UFL1: variants seen among roughly 807,000 people sequenced by gnomAD.
The protein encoded by UFL1 is UFM1 specific ligase 1.
A neutral mutation model predicts 99.3 loss-of-function variants in UFL1; 78 were observed. The observed-to-expected ratio is 0.79, with a 90% CI of 0.65 to 0.95. The LOEUF (loss-of-function observed/expected upper bound fraction) is 0.95. UFL1 is among the 40% of genes least tolerant of loss of function. The pLI, the probability that UFL1 is intolerant of heterozygous loss-of-function variation, is 0.00. For missense variants in UFL1, 936 were observed against 937.0 expected, an observed-to-expected ratio of 1.00 and a Z score of 0.01; for synonymous variants, 335 against 322.2, an observed-to-expected ratio of 1.04 and a Z score of -0.42.
chr6:96,542,065 GAAGT>G (rs2127952007), intron 11 of UFL1, among the ~76,000 whole-genome samples: 1 of 151,254 alleles, frequency 6.6e-6, no homozygotes, highest in South Asian at 2.1e-4. Flanking sequence ...TACTTATTTT[GAAGT>G]AATATAATAT....
chr6:96,540,332 A>G (rs992083807), intron 10 of UFL1, among the ~76,000 whole-genome samples: 2 of 151,456 alleles, frequency 1.3e-5, no homozygotes, highest in Non-Finnish European at 3.0e-5. Flanking sequence ...AATAATGGGT[A>G]CAAAAAAGGT....
intron 9 of UFL1, among the ~76,000 whole-genome samples, chr6:96,537,934 C>T (rs376391109): frequency 6.6e-6 from 1 of 151,830 alleles, no homozygotes; most frequent in East Asian, 1.9e-4. Context: ...TGCCTTGGCA[C>T]GGATAGTGTT....
chr6:96,530,278 G>T (rs1166877873), intron 6 of UFL1, among the ~76,000 whole-genome samples: 1 of 151,998 alleles, frequency 6.6e-6, no homozygotes, highest in African/African-American at 2.4e-5. Context: ...GTTTTTTCAT[G>T]TTATACCTAT....
At chr6:96,549,949 T>C in intron 15 of UFL1, 150 bp downstream of exon 15, 1 of 962,586 alleles carries the variant, frequency 1.0e-6, no homozygotes, top group South Asian at 1.9e-5. Flanking sequence ...TCAACTTTAG[T>C]ACTATATATA....
chr6:96,522,444 T>C (rs1769630541), intron 1 of UFL1, among the ~76,000 whole-genome samples: 1 of 152,166 alleles, frequency 6.6e-6, no homozygotes, highest in Non-Finnish European at 1.5e-5. Flanking sequence ...CCTGACCCCA[T>C]CTGTTATTCA....
chr6:96,547,225 G>A (rs1386519982), intron 12 of UFL1, among the ~76,000 whole-genome samples: 1 of 151,622 alleles, frequency 6.6e-6, no homozygotes, highest in African/African-American at 2.4e-5. Flanking sequence ...ATGAATAAAT[G>A]TTCAACATCA....
chr6:96,525,227 T>C (rs753430158), intron 3 of UFL1, 70 bp from the exon 4 acceptor site: 11 of 1,228,242 alleles, frequency 9.0e-6, no homozygotes, highest in Non-Finnish European at 1.3e-5. Flanking sequence ...AATATAGTTC[T>C]AAGTATATAA....
chr6:96,542,983 G>A lies in UFL1; in HGVS notation c.1369G>A (p.Asp457Asn). The A allele has an allele frequency of 3.8e-6, 6 of 1,598,192 alleles. No individual in the cohort carries two copies. The highest frequency in any genetic ancestry group is 5.1e-6 in the Non-Finnish European group (6 of 1,171,716). ...CAAGAAGAAAGGAAGAAAAGATGAT[G>A]ATAGTGATGATGAATCTCAATCATC... is the stretch of plus-strand genomic sequence containing the variant. ...KVKKKGRKDDDSDDESQSSHT... is the reference protein window; with the variant it reads ...KVKKKGRKDDNSDDESQSSHT... Residue 457 changes from aspartate (D) to asparagine (N), a missense_variant, in exon 12 of 19, where the codon GAT becomes AAT. Coordinates refer to ENST00000369278, the MANE Select transcript of UFL1 (RefSeq NM_015323.5).
At chr6:96,546,120 A>G (rs974212090) in intron 12 of UFL1, among the ~76,000 whole-genome samples, 2 of 151,196 alleles carry the variant, frequency 1.3e-5, no homozygotes, top group Admixed American at 1.3e-4. Context: ...CTAGAAAGCC[A>G]TAAAGACTCC....
chr6:96,540,400 G>C (rs1769914112), intron 10 of UFL1, 135 bp from the exon 11 acceptor site: 1 of 1,144,676 alleles, frequency 8.7e-7, no homozygotes, highest in South Asian at 1.8e-5. Context: ...GCCTTAGAGT[G>C]ACAGCTCTGA....
chr6:96,555,276 AT>A (rs1490712420), downstream of UFL1: 2 of 152,244 alleles, frequency 1.3e-5, no homozygotes, highest in Admixed American at 6.5e-5. Flanking sequence ...ATTCTACTAA[AT>A]TTTATAGTAC....
chr6:96,541,919 ATTTT>A lies in UFL1; in HGVS notation c.1280-971_1280-968del, dbSNP rs1265803057. Among the ~76,000 whole-genome samples, 4 of 151,160 alleles carry A rather than the reference ATTTT, an allele frequency of 2.6e-5. No individual in the cohort carries two copies. The Admixed American group carries it at 2.6e-4, about 10-fold the overall frequency. ...TTAGACTTATATTTTTGAAAATAGAATTTTTTTATTATAAAAGAAAGGGAAAAAT... is the reference window on the plus strand; with the variant it reads ...TTAGACTTATATTTTTGAAAATAGAATTTATTATAAAAGAAAGGGAAAAAT... On this transcript the variant is annotated intron_variant, in intron 11 of 18. Coordinates refer to ENST00000369278, the MANE Select transcript of UFL1 (RefSeq NM_015323.5).
At chr6:96,526,541 G>C (rs1769706368) in intron 5 of UFL1, 106 bp downstream of exon 5, 1 of 873,298 alleles carries the variant, frequency 1.1e-6, no homozygotes, top group African/African-American at 1.7e-5. Flanking sequence ...ACCATCATTT[G>C]ATTTATTGCA....
At chr6:96,533,284 A>G (rs959953252) in intron 6 of UFL1, among the ~76,000 whole-genome samples, 11 of 152,102 alleles carry the variant, frequency 7.2e-5, no homozygotes, top group African/African-American at 2.2e-4. Flanking sequence ...ACATTCATCG[A>G]TACAAAGTCA....
intron 11 of UFL1, 106 bp from the exon 12 acceptor site, chr6:96,542,788 C>A: frequency 1.7e-6 from 2 of 1,153,616 alleles, no homozygotes; most frequent in South Asian, 2.8e-5. Flanking sequence ...CTTTATTTTG[C>A]CTTTATTTTT....
intron 10 of UFL1, 37 bp downstream of exon 10, chr6:96,538,847 A>G (rs1443745041): frequency 1.3e-6 from 2 of 1,525,580 alleles, no homozygotes; most frequent in Non-Finnish European, 1.8e-6. Context: ...AATCTTAATA[A>G]TATTTTCAAT....
intron 10 of UFL1, among the ~76,000 whole-genome samples, chr6:96,539,698 A>G (rs1019578770): frequency 1.3e-5 from 2 of 151,592 alleles, no homozygotes; most frequent in African/African-American, 4.8e-5. Flanking sequence ...TAAGGGATAT[A>G]TGTAAAATGT....
rs376895072 is a variant in UFL1, at chr6:96,552,677, A to G, written c.2166+15A>G. ...AAATTCCAGAGGTATTACATTTTCAATACACTTGAAACTTTCAAAGATTTA... is the reference window on the plus strand; with the variant it reads ...AAATTCCAGAGGTATTACATTTTCAGTACACTTGAAACTTTCAAAGATTTA... On this transcript the variant is annotated intron_variant, in intron 18 of 18. Transcript: ENST00000369278. The G allele has an allele frequency of 1.2e-5, 19 of 1,578,174 alleles. No homozygotes were observed. The highest frequency in any genetic ancestry group is 6.8e-5 in the African/African-American group (5 of 73,038).
Position 96,542,921 on chromosome 6 carries a change from G to GT in UFL1, c.1308dup (p.Gly437TrpfsTer10). 6.3e-7 allele frequency: 1 copy of GT among 1,597,858 alleles called. No individual in the cohort carries two copies. Among genetic ancestry groups the GT allele is most frequent in the Non-Finnish European group, 8.5e-7 (1 of 1,171,918 alleles). On this transcript the variant is annotated frameshift_variant, in exon 12 of 19. Transcript: ENST00000369278. LOFTEE classifies it high-confidence loss of function. Reference sequence around the variant, plus strand: ...GGCAGTGGAAGCATGAGAGGAGGAGGTGGGGGCAATGCCAGAGAGTACAAA... The same window carrying GT: ...GGCAGTGGAAGCATGAGAGGAGGAGGTTGGGGGCAATGCCAGAGAGTACAAA...
Sources: allele counts gnomAD v4.1 joint callset (sites outside exome capture counted in the v4.1 genomes callset), GRCh38; gene constraint gnomAD v4.1.1; transcripts MANE v1.5; gene names NCBI Gene and HGNC (gene_info 2026-07-23, HGNC 2026-07-21).